Variants in ITPR2 observed in about 807,000 individuals in gnomAD.
ITPR2 encodes inositol 1,4,5-trisphosphate receptor type 2.
In ITPR2, 207 loss-of-function variants were observed where a neutral mutation model predicts 317.1. The ratio of observed to expected loss-of-function variants is 0.65; its 90% CI spans 0.58 to 0.73. The LOEUF (loss-of-function observed/expected upper bound fraction) is 0.73, where lower values mean the gene tolerates loss of function less well. ITPR2 is among the 30% of genes least tolerant of loss of function. ITPR2 has a pLI of 0.00. For missense variants in ITPR2, 2,613 were observed against 3,284.0 expected (o/e 0.80, Z 4.99); for synonymous variants, 1,156 against 1,149.1 (o/e 1.01, Z -0.12).
intron 32 of ITPR2, among the ~76,000 whole-genome samples, chr12:26,586,735 T>G (rs956856390): frequency 1.3e-5 from 2 of 152,170 alleles, no homozygotes; most frequent in African/African-American, 4.8e-5. Context: ...TCTACATACT[T>G]GAGATCCATC....
chr12:26,398,702 CTATT>C (rs1940080730), intron 54 of ITPR2, among the ~76,000 whole-genome samples, 170 bp downstream of exon 54: 1 of 152,148 alleles, frequency 6.6e-6, no homozygotes, highest in African/African-American at 2.4e-5. Flanking sequence ...ATTCCTCTCT[CTATT>C]TATAGAAGCA....
In ITPR2 at chr12:26,340,234, T is replaced by G; in HGVS notation, c.7952A>C (p.Glu2651Ala). The change falls in exon 56 of 57, where the codon GAG (glutamate) becomes GCG (alanine). Residue 2651 changes from glutamate to alanine, a missense_variant. By Grantham distance (107) the Glu-to-Ala change is moderately radical. Around this residue, in one of 9 missense-constraint regions of ITPR2, gnomAD observed 119 missense variants for 144.3 expected, o/e 0.82. Coordinates refer to ENST00000381340, the MANE Select transcript of ITPR2 (RefSeq NM_002223.4). The part of the protein sequence containing the change: ...SEQNEIRSLQ[E>A]KLESTMSLVK... The stretch of plus-strand genomic sequence containing the variant: ...CAGACTCATGGTCGATTCCAACTTC[T>G]CCTGAAGGCTCCGAATTTCATTTTG... The G allele has an allele frequency of 6.2e-7, 1 of 1,611,308 alleles. No individual in the cohort carries two copies. Among genetic ancestry groups the G allele is most frequent in the Non-Finnish European group, 8.5e-7 (1 of 1,178,844 alleles).
chr12:26,670,061 A>G (rs887902219), intron 13 of ITPR2, among the ~76,000 whole-genome samples: 13 of 152,358 alleles, frequency 8.5e-5, no homozygotes, highest in East Asian at 7.7e-4. Context: ...GAACTGGGTG[A>G]AGCCCACCAC....
At chr12:26,481,732 C>A (rs903107695) in intron 42 of ITPR2, among the ~76,000 whole-genome samples, 8 of 152,286 alleles carry the variant, frequency 5.3e-5, no homozygotes, top group African/African-American at 1.9e-4. Context: ...AAACTGATGA[C>A]AAGAGATGCT....
Position 26,337,415 on chromosome 12 carries a change from T to A in ITPR2, c.*1982A>T, listed in dbSNP as rs1465758239. 1 of 152,196 alleles carries A rather than the reference T, an allele frequency of 6.6e-6. No homozygotes were observed. The highest frequency in any genetic ancestry group is 2.4e-5 in the African/African-American group (1 of 41,458). The allele number at this position is 152,196 out of a possible 1,614,324, so 9.4% of individuals were successfully genotyped here. Reference sequence around the variant, plus strand: ...TACTACCTTTCTCTTCTATTCTCTATCCATAAAACTCTGCCTGATTAAAAT... The same window carrying A: ...TACTACCTTTCTCTTCTATTCTCTAACCATAAAACTCTGCCTGATTAAAAT... On this transcript the variant is annotated 3_prime_UTR_variant, in exon 57 of 57. Coordinates refer to ENST00000381340, the MANE Select transcript of ITPR2 (RefSeq NM_002223.4).
At chr12:26,384,847 C>A (rs1939621092) in intron 55 of ITPR2, among the ~76,000 whole-genome samples, 1 of 152,106 alleles carries the variant, frequency 6.6e-6, no homozygotes, top group East Asian at 1.9e-4. Flanking sequence ...TTTCTTGCTT[C>A]TTTACTTGTC....
At chr12:26,492,676 C>T (rs907108642) in intron 39 of ITPR2, among the ~76,000 whole-genome samples, 1 of 152,030 alleles carries the variant, frequency 6.6e-6, no homozygotes, top group Non-Finnish European at 1.5e-5. Flanking sequence ...AAGTCATAGA[C>T]GTAGACAGTG....
At position 26,666,163 on chromosome 12, in the gene ITPR2, T is replaced by TAGATAGATAGATAGATAGATAGA. The variant is rs1555173878; in HGVS notation, c.1410-113_1410-112insTCTATCTATCTATCTATCTATCT. 11 of 411,848 alleles carry TAGATAGATAGATAGATAGATAGA rather than the reference T, an allele frequency of 2.7e-5. 1 individual carries two copies. The highest frequency in any genetic ancestry group is 1.6e-4 in the Admixed American group (2 of 12,346). The allele number at this position is 411,848 out of a possible 1,614,324, so 25.5% of individuals were successfully genotyped here. A position where few individuals can be genotyped will look rare whatever the true frequency, so the allele number is the denominator to read the frequency against. On this transcript the variant is annotated intron_variant, in intron 13 of 56. Transcript: ENST00000381340. The stretch of plus-strand genomic sequence containing the variant: ...ATAGATAGATAGATAGATAGATAGA[T>TAGATAGATAGATAGATAGATAGA]TTTTTTTTACTTTTTCTTCAGGAGT...
intron 5 of ITPR2, 103 bp downstream of exon 5, chr12:26,722,293 GT>G: frequency 2.9e-6 from 3 of 1,024,046 alleles, no homozygotes; most frequent in Non-Finnish European, 4.2e-6. Flanking sequence ...CAGGTATTGA[GT>G]AAAAACTATA....
At chr12:26,801,471 C>A (rs1950554900) in intron 1 of ITPR2, among the ~76,000 whole-genome samples, 1 of 152,166 alleles carries the variant, frequency 6.6e-6, no homozygotes, top group African/African-American at 2.4e-5. Context: ...TGGCATTATG[C>A]CTGGAACCAA....
intron 39 of ITPR2, among the ~76,000 whole-genome samples, chr12:26,488,888 G>A (rs1240538371): frequency 6.6e-6 from 1 of 152,096 alleles, no homozygotes; most frequent in Non-Finnish European, 1.5e-5. Context: ...TGAATAGAGT[G>A]CTCTTAGTTC....
chr12:26,768,570 AT>A (rs1565748735), intron 2 of ITPR2, among the ~76,000 whole-genome samples: 1 of 66,364 alleles, frequency 1.5e-5, no homozygotes. Context: ...ACAAATATAT[AT>A]AAAAAAAAAA....
At position 26,530,754 on chromosome 12, in the gene ITPR2, C is replaced by T. The variant is rs139247137; in HGVS notation, c.5073+19493G>A. On this transcript the variant is annotated intron_variant, in intron 37 of 56. Transcript: ENST00000381340. ...TTTCTCAAACACTGTAGTATATCTA[C>T]ATAGGACTGTACCAATAAATTCAGA... is the stretch of plus-strand genomic sequence containing the variant. 8.3e-3 allele frequency among the ~76,000 whole-genome samples: 1,270 copies of T among 152,222 alleles called. 14 individuals are homozygous for T. The highest frequency in any genetic ancestry group is 0.028 in the African/African-American group (1,165 of 41,526).
chr12:26,732,894 C>T (rs990444722), intron 2 of ITPR2, among the ~76,000 whole-genome samples: 5 of 152,178 alleles, frequency 3.3e-5, no homozygotes, highest in Admixed American at 2.6e-4. Flanking sequence ...ATTTGATCAT[C>T]GTGGCAAGAT....
chr12:26,376,416 C>A (rs1939345966), intron 55 of ITPR2, among the ~76,000 whole-genome samples: 1 of 152,196 alleles, frequency 6.6e-6, no homozygotes, highest in Admixed American at 6.5e-5. Flanking sequence ...AAACAGTCTT[C>A]CCCTTACCTT....
chr12:26,428,101 GA>G lies in ITPR2; in HGVS notation c.6770-14del. 1 of 1,564,992 alleles carries G rather than the reference GA, an allele frequency of 6.4e-7. No individual in the cohort carries two copies. The highest frequency in any genetic ancestry group is 1.7e-4 in the Middle Eastern group (1 of 5,854). ...GGAGAAAGTGTACCTGTAAAATGTG[GA>G]AGAAATTTATTGCTACTAAGAATAA... On this transcript the variant is annotated splice_polypyrimidine_tract_variant and intron_variant, in intron 48 of 56. Transcript: ENST00000381340.
chr12:26,755,028 G>A (rs915327510), intron 2 of ITPR2, among the ~76,000 whole-genome samples: 3 of 152,128 alleles, frequency 2.0e-5, no homozygotes, highest in Non-Finnish European at 4.4e-5. Context: ...AATATAAAAT[G>A]GTGTTTGGTT....
chr12:26,489,000 G>A (rs905298), intron 39 of ITPR2, among the ~76,000 whole-genome samples: 1 of 152,034 alleles, frequency 6.6e-6, no homozygotes, highest in African/African-American at 2.4e-5. Context: ...CTAGATTTTC[G>A]GACTCTAAAT....
intron 9 of ITPR2, among the ~76,000 whole-genome samples, chr12:26,699,207 C>G (rs1264297648): frequency 3.9e-5 from 6 of 151,956 alleles, no homozygotes; most frequent in Admixed American, 3.9e-4. Context: ...AATTAATGTA[C>G]CTAAGTCAAA....
Sources: allele counts gnomAD v4.1 joint callset (sites outside exome capture counted in the v4.1 genomes callset), GRCh38; gene constraint gnomAD v4.1.1; regional missense constraint gnomAD v4.1.1; transcripts MANE v1.5; gene names NCBI Gene and HGNC (gene_info 2026-07-23, HGNC 2026-07-21).